The following PCDH9 variants were observed in gnomAD, a reference collection of about 807,000 sequenced individuals.
PCDH9 encodes the protein protocadherin 9, also known as protocadherin-9.
In PCDH9, 24 loss-of-function variants were observed where a neutral mutation model predicts 70.6. The ratio of observed to expected loss-of-function variants is 0.34; its 90% confidence interval spans 0.25 to 0.48. The LOEUF (loss-of-function observed/expected upper bound fraction) is 0.48. PCDH9 is among the 20% of genes least tolerant of loss of function. PCDH9 has a pLI of 0.99. For synonymous variants in PCDH9, 562 were observed against 558.5 expected, an observed-to-expected ratio of 1.01 and a Z score of -0.09; for missense variants, 1,281 against 1,503.6, an observed-to-expected ratio of 0.85 and a Z score of 2.45.
chr13:67,202,542 C>T (rs2089240786), intron 2 of PCDH9: 1 of 152,094 alleles, frequency 6.6e-6, no homozygotes, highest in Non-Finnish European at 1.5e-5. Flanking sequence ...ATGTCAAGCA[C>T]CCAGTCAATC....
In PCDH9 at chr13:67,185,748, T is replaced by C. The variant is rs1594628293; in HGVS notation, c.3036+39657A>G. Reference sequence around the variant, plus strand: ...AGATTTCTGTGTTTTTGTTTTTGTTTTGAGATGGAGTTTCACTCTTGTTGC... The same window carrying C: ...AGATTTCTGTGTTTTTGTTTTTGTTCTGAGATGGAGTTTCACTCTTGTTGC... On this transcript the variant is annotated intron_variant, in intron 2 of 4. Transcript: ENST00000377865. Among the ~76,000 whole-genome samples the C allele has an allele frequency of 1.3e-5, 2 of 152,358 alleles. 1 individual carries two copies. The highest frequency in any genetic ancestry group is 4.1e-4 in the South Asian group (2 of 4,830).
At chr13:67,089,814 C>T (rs1332518845) in intron 2 of PCDH9, among the ~76,000 whole-genome samples, 2 of 151,884 alleles carry the variant, frequency 1.3e-5, no homozygotes, top group Non-Finnish European at 2.9e-5. Flanking sequence ...TAGAGAGATC[C>T]TTAGATGAAA....
intron 4 of PCDH9, among the ~76,000 whole-genome samples, chr13:66,595,748 A>G (rs992907864): frequency 6.6e-6 from 1 of 151,670 alleles, no homozygotes; most frequent in Non-Finnish European, 1.5e-5. Context: ...ATGAATAGTC[A>G]TTGGTAATCA....
intron 2 of PCDH9, chr13:67,225,107 G>T: frequency 7.9e-7 from 1 of 1,272,654 alleles, no homozygotes. Context: ...TATCAGGACA[G>T]GTTTTTTCTT....
At chr13:66,397,778 C>T (rs1957128716) in intron 4 of PCDH9, among the ~76,000 whole-genome samples, 1 of 151,798 alleles carries the variant, frequency 6.6e-6, no homozygotes, top group Non-Finnish European at 1.5e-5. Flanking sequence ...CACTCAGCAT[C>T]ATCTTTTATT....
intron 3 of PCDH9, among the ~76,000 whole-genome samples, chr13:66,703,191 A>G (rs916116179): frequency 6.6e-6 from 1 of 151,570 alleles, no homozygotes; most frequent in Admixed American, 6.6e-5. Context: ...CCATCACGCA[A>G]TGTATTGTAT....
chr13:67,041,229 A>G (rs2085107372), intron 2 of PCDH9, among the ~76,000 whole-genome samples: 1 of 152,148 alleles, frequency 6.6e-6, no homozygotes, highest in Non-Finnish European at 1.5e-5. Flanking sequence ...ATAGTAAGAG[A>G]TTTCATGTGC....
At chr13:66,681,968 T>TATATATATATATATA (rs1566502472) in intron 3 of PCDH9, among the ~76,000 whole-genome samples, 20 of 148,506 alleles carry the variant, frequency 1.3e-4, no homozygotes, top group South Asian at 4.2e-4. Context: ...TATATATATA[T>TATATATATATATATA]TTGAGAGATT....
At chr13:66,519,088 T>C (rs980095382) in intron 4 of PCDH9, among the ~76,000 whole-genome samples, 3 of 152,172 alleles carry the variant, frequency 2.0e-5, no homozygotes, top group African/African-American at 4.8e-5. Flanking sequence ...ACAGAAATAA[T>C]AGTGCACTTT....
intron 4 of PCDH9, among the ~76,000 whole-genome samples, chr13:66,426,736 T>C (rs1367134178): frequency 6.6e-6 from 1 of 151,548 alleles, no homozygotes. Flanking sequence ...TAATAAAGGT[T>C]TACCACATTT....
intron 3 of PCDH9, among the ~76,000 whole-genome samples, chr13:66,692,385 C>T (rs1402810077): frequency 6.6e-6 from 1 of 151,962 alleles, no homozygotes; most frequent in Admixed American, 6.6e-5. Flanking sequence ...TGTTCTTCAT[C>T]TACAATAAGA....
chr13:66,527,161 A>G (rs1960252778), intron 4 of PCDH9, among the ~76,000 whole-genome samples: 1 of 152,062 alleles, frequency 6.6e-6, no homozygotes, highest in Non-Finnish European at 1.5e-5. Context: ...ATTATATAAA[A>G]CTTATGTTTT....
In PCDH9 at chr13:67,226,021, T is replaced by C; in HGVS notation, c.2420A>G (p.Tyr807Cys). The C allele has an allele frequency of 6.2e-7, 1 of 1,614,070 alleles. No homozygotes were observed. Among genetic ancestry groups the C allele is most frequent in the Non-Finnish European group, 8.5e-7 (1 of 1,180,016 alleles). Residue 807 changes from tyrosine (Y) to cysteine (C), a missense_variant, in exon 2 of 5, where the codon TAT (tyrosine) becomes TGT (cysteine). Around this residue, in one of 4 missense-constraint regions of PCDH9, gnomAD observed 798 missense variants for 1,003.1 expected, o/e 0.80. Coordinates refer to ENST00000377865, the MANE Select transcript of PCDH9 (RefSeq NM_203487.3). This position sits in a 1 kb window ranked among gnomAD's most constrained non-coding sequence, Gnocchi z 5.0. ...DRNIGDSSQP[Y>C]QNEDYLTIMI... ...GATGGTTAGATAGTCCTCATTTTGA[T>C]AGGGTTGGCTACTATCCCCTATGTT...
chr13:66,576,860 C>T (rs892480123), intron 4 of PCDH9, among the ~76,000 whole-genome samples: 1 of 152,008 alleles, frequency 6.6e-6, no homozygotes, highest in Admixed American at 6.6e-5. Flanking sequence ...AGGTACAACT[C>T]ATCAGTGAAT....
chr13:66,683,760 T>G (rs774203314), intron 3 of PCDH9, among the ~76,000 whole-genome samples: 18 of 152,314 alleles, frequency 1.2e-4, no homozygotes, highest in Non-Finnish European at 2.4e-4. Context: ...ATCTTTATTC[T>G]AAATTGCATC....
intron 4 of PCDH9, among the ~76,000 whole-genome samples, chr13:66,351,828 T>C (rs929693229): frequency 1.7e-5 from 2 of 120,192 alleles, no homozygotes; most frequent in Admixed American, 1.0e-4. Flanking sequence ...TTCCTTTTTT[T>C]TTTCTTTTCT....
At chr13:66,350,916 T>C (rs923811132) in intron 4 of PCDH9, among the ~76,000 whole-genome samples, 1 of 152,204 alleles carries the variant, frequency 6.6e-6, no homozygotes, top group Non-Finnish European at 1.5e-5. Flanking sequence ...TATTTTGAAA[T>C]CTTTCGTAGG....
intron 3 of PCDH9, among the ~76,000 whole-genome samples, chr13:66,791,801 A>G (rs1337945768): frequency 6.6e-6 from 1 of 152,168 alleles, no homozygotes; most frequent in African/African-American, 2.4e-5. Flanking sequence ...TATATAAACC[A>G]CACTCTGTAA....
chr13:66,738,899 C>T (rs1187710468), intron 3 of PCDH9, among the ~76,000 whole-genome samples: 4 of 147,654 alleles, frequency 2.7e-5, no homozygotes, highest in African/African-American at 9.9e-5. Context: ...AGAATGGAAC[C>T]AAGTTGGAAA....
Sources: gnomAD v4.1 joint callset for allele counts (sites outside exome capture counted in the v4.1 genomes callset) on GRCh38, gnomAD v4.1.1 for gene constraint, gnomAD v4.1.1 regional missense constraint, Gnocchi (gnomAD v3.1) non-coding constraint, MANE v1.5 for transcripts, NCBI Gene and HGNC (gene_info 2026-07-23, HGNC 2026-07-21) for gene names.